Variants in CDKAL1 observed in about 807,000 individuals in gnomAD.
CDKAL1 encodes the protein CDKAL1 threonylcarbamoyladenosine tRNA methylthiotransferase.
CDKAL1 carries 32 observed loss-of-function variants against 68.2 expected under a neutral mutation model. The observed-to-expected ratio is 0.47, with a 90% confidence interval of 0.35 to 0.63. The LOEUF is 0.63. Among genes scored for constraint, CDKAL1 ranks in the 30% least tolerant of loss-of-function variants. The pLI, the probability that CDKAL1 is intolerant of heterozygous loss-of-function variation, is 0.00. For synonymous variants in CDKAL1, 234 were observed against 244.3 expected (o/e 0.96, Z 0.39); for missense variants, 606 against 696.7 (o/e 0.87, Z 1.47).
At chr6:20,908,554 A>G (rs894415253) in intron 9 of CDKAL1, among the ~76,000 whole-genome samples, 1 of 152,238 alleles carries the variant, frequency 6.6e-6, no homozygotes, top group Non-Finnish European at 1.5e-5. Flanking sequence ...GTGACTTTGC[A>G]TAAATATTTA....
At chr6:21,001,516 C>CA (rs1767428122) in intron 11 of CDKAL1, among the ~76,000 whole-genome samples, 2 of 151,686 alleles carry the variant, frequency 1.3e-5, no homozygotes, top group Non-Finnish European at 2.9e-5. Context: ...TACATTCAGA[C>CA]AAATACAGCT....
intron 13 of CDKAL1, among the ~76,000 whole-genome samples, chr6:21,137,950 C>T (rs1759437120): frequency 6.6e-6 from 1 of 152,216 alleles, no homozygotes; most frequent in Non-Finnish European, 1.5e-5. Context: ...GCCTTGTGCT[C>T]AAAGACAGTT....
chr6:20,719,950 T>G lies in CDKAL1; in HGVS notation c.372-19569T>G, dbSNP rs939461553. ...CCTGGTACGTATTTTAAATCTTTCT[T>G]AATCTACAGGCTCCCCTCCATTTCT... On this transcript the variant is annotated intron_variant, in intron 5 of 15. Transcript: ENST00000274695. Among the ~76,000 whole-genome samples, 28 of 152,234 alleles carry G rather than the reference T, an allele frequency of 1.8e-4. 1 individual carries two copies. The highest frequency in any genetic ancestry group is 6.5e-4 in the African/African-American group (27 of 41,450).
intron 8 of CDKAL1, among the ~76,000 whole-genome samples, chr6:20,817,311 G>A (rs1777087701): frequency 6.6e-6 from 1 of 151,648 alleles, no homozygotes; most frequent in Non-Finnish European, 1.5e-5. Context: ...AAATTGAAGT[G>A]GAATTTTGCT....
At chr6:20,712,557 G>GA (rs1350635750) in intron 5 of CDKAL1, among the ~76,000 whole-genome samples, 1 of 150,108 alleles carries the variant, frequency 6.7e-6, no homozygotes, top group South Asian at 2.1e-4. Flanking sequence ...AAAAAGAAAA[G>GA]AAAAAAACAC....
chr6:20,740,545 G>T (rs1488456417), intron 6 of CDKAL1, among the ~76,000 whole-genome samples: 1 of 152,000 alleles, frequency 6.6e-6, no homozygotes, highest in African/African-American at 2.4e-5. Flanking sequence ...TGTTTAAAAA[G>T]GCTACATTAA....
At chr6:20,930,128 A>G (rs1284085266) in intron 9 of CDKAL1, among the ~76,000 whole-genome samples, 1 of 152,214 alleles carries the variant, frequency 6.6e-6, no homozygotes, top group African/African-American at 2.4e-5. Context: ...AATTTTAAAA[A>G]CACTTAGTGA....
At chr6:20,639,307 C>A (rs1768054239) in intron 4 of CDKAL1, among the ~76,000 whole-genome samples, 1 of 152,164 alleles carries the variant, frequency 6.6e-6, no homozygotes, top group Admixed American at 6.5e-5. Flanking sequence ...ATAACTGCTT[C>A]TTCCTAGTAG....
intron 13 of CDKAL1, among the ~76,000 whole-genome samples, chr6:21,179,382 C>A (rs1479900389): frequency 6.6e-6 from 1 of 152,174 alleles, no homozygotes; most frequent in African/African-American, 2.4e-5. Flanking sequence ...AAGACTAATA[C>A]TCAACAAAGC....
intron 5 of CDKAL1, among the ~76,000 whole-genome samples, chr6:20,719,998 G>A (rs924188329): frequency 1.3e-5 from 2 of 152,134 alleles, no homozygotes; most frequent in African/African-American, 4.8e-5. Context: ...CAGTTTACCT[G>A]TTGAAGAACC....
At chr6:20,866,991 T>C (rs1244611892) in intron 9 of CDKAL1, among the ~76,000 whole-genome samples, 1 of 152,222 alleles carries the variant, frequency 6.6e-6, no homozygotes, top group Non-Finnish European at 1.5e-5. Context: ...TGGTGACTTA[T>C]ACAGTAGACC....
intron 15 of CDKAL1, among the ~76,000 whole-genome samples, chr6:21,225,926 C>CTA (rs1400131606): frequency 6.6e-6 from 1 of 152,136 alleles, no homozygotes; most frequent in Non-Finnish European, 1.5e-5. Flanking sequence ...AACACTTAAT[C>CTA]TATATATATC....
intron 12 of CDKAL1, among the ~76,000 whole-genome samples, chr6:21,070,823 G>A (rs1412605829): frequency 6.6e-6 from 1 of 152,054 alleles, no homozygotes; most frequent in Non-Finnish European, 1.5e-5. Context: ...AACTGTCCCT[G>A]GGCCAACATC....
chr6:21,028,040 A>G (rs1219198441), intron 11 of CDKAL1, among the ~76,000 whole-genome samples: 1 of 152,188 alleles, frequency 6.6e-6, no homozygotes, highest in Non-Finnish European at 1.5e-5. Flanking sequence ...AGAGAATCCA[A>G]GAACAAGGCA....
At chr6:20,936,146 T>G (rs920220207) in intron 9 of CDKAL1, among the ~76,000 whole-genome samples, 1 of 152,156 alleles carries the variant, frequency 6.6e-6, no homozygotes, top group African/African-American at 2.4e-5. Context: ...CACATCTTTC[T>G]GTTTGTGGTT....
intron 4 of CDKAL1, among the ~76,000 whole-genome samples, chr6:20,632,142 C>T (rs1453339495): frequency 1.3e-5 from 2 of 152,176 alleles, no homozygotes; most frequent in African/African-American, 4.8e-5. Context: ...TTAATACACC[C>T]AACCTACTGA....
rs1037730340 is a variant in CDKAL1, at chr6:20,891,894, T to C, written c.742+45716T>C. ...CTGCTTTTCTCATGGTCATCTGTTTTTCTTTTTTAATTTTAGTCTTATCTA... is the reference window on the plus strand; with the variant it reads ...CTGCTTTTCTCATGGTCATCTGTTTCTCTTTTTTAATTTTAGTCTTATCTA... On this transcript the variant is annotated intron_variant, in intron 9 of 15. Transcript: ENST00000274695. Among the ~76,000 whole-genome samples, 5 of 152,194 alleles carry C rather than the reference T, an allele frequency of 3.3e-5. No homozygotes were observed. In the East Asian group the frequency reaches 9.6e-4, roughly 29 times the overall value.
At chr6:20,767,051 T>C (rs1774733919) in intron 7 of CDKAL1, among the ~76,000 whole-genome samples, 1 of 152,186 alleles carries the variant, frequency 6.6e-6, no homozygotes, top group Non-Finnish European at 1.5e-5. Flanking sequence ...TCCTTTATTA[T>C]AACCAACTTT....
At chr6:20,880,365 C>T (rs1029681414) in intron 9 of CDKAL1, among the ~76,000 whole-genome samples, 2 of 152,114 alleles carry the variant, frequency 1.3e-5, no homozygotes, top group Non-Finnish European at 2.9e-5. Flanking sequence ...AAGCTATTCC[C>T]CAGCCTCAGC....
Sources: gnomAD v4.1 joint callset for allele counts (sites outside exome capture counted in the v4.1 genomes callset) on GRCh38, gnomAD v4.1.1 for gene constraint, MANE v1.5 for transcripts, NCBI Gene and HGNC (gene_info 2026-07-23, HGNC 2026-07-21) for gene names.